LUZP1: variants seen among roughly 807,000 people sequenced by gnomAD.
LUZP1 encodes the protein leucine zipper protein 1, also known as filamin mechanobinding actin cross-linking protein.
Under a neutral mutation model 71.3 loss-of-function variants are expected in LUZP1, and 25 were observed. The ratio of observed to expected loss-of-function variants is 0.35; its 90% CI spans 0.26 to 0.49. The LOEUF (loss-of-function observed/expected upper bound fraction) is 0.49, where lower values mean the gene tolerates loss of function less well. Among genes scored for constraint, LUZP1 ranks in the 20% least tolerant of loss-of-function variants. LUZP1 has a pLI of 0.99. For missense variants in LUZP1, 1,142 were observed against 1,300.8 expected (o/e 0.88, Z 1.88); for synonymous variants, 481 against 506.4 (o/e 0.95, Z 0.67).
At chr1:23,118,242 C>A (rs1444500844) in intron 2 of LUZP1, among the ~76,000 whole-genome samples, 2 of 151,596 alleles carry the variant, frequency 1.3e-5, no homozygotes, top group Non-Finnish European at 2.9e-5. Flanking sequence ...TCTCTAAACA[C>A]AAAAATTAGC....
chr1:23,143,832 T>C (rs753356245), intron 2 of LUZP1, among the ~76,000 whole-genome samples: 8 of 152,190 alleles, frequency 5.3e-5, no homozygotes, highest in Non-Finnish European at 8.8e-5. Context: ...GTTTTACAGA[T>C]GAGAAAACTG....
rs200565029 is a variant in LUZP1 at position 23,091,246 on chromosome 1, G to A, written c.3016C>T (p.Arg1006Trp). Residue 1006 changes from arginine (R) to tryptophan (W), a missense_variant, in exon 4 of 5, where the codon CGG becomes TGG. Transcript: ENST00000302291. ...GTGATGGTGTCTCCTACCCGATTCC[G>A]ACGGGTAAGCACCTCTGACACAGTG... The A allele has an allele frequency of 8.8e-5, 142 of 1,613,722 alleles. No homozygotes were observed. Among genetic ancestry groups the A allele is most frequent in the East Asian group, 2.0e-4 (9 of 44,838 alleles).
At chr1:23,175,458 C>G (rs184028783) in intron 1 of LUZP1, among the ~76,000 whole-genome samples, 4 of 152,272 alleles carry the variant, frequency 2.6e-5, no homozygotes, top group Admixed American at 2.0e-4. Context: ...TTGGTGCTTT[C>G]CCCCCTAGTG....
At chr1:23,126,420 C>A (rs1644172183) in intron 2 of LUZP1, among the ~76,000 whole-genome samples, 1 of 152,114 alleles carries the variant, frequency 6.6e-6, no homozygotes. Context: ...GAGTTTGGGG[C>A]CAGCCTGAGC....
At chr1:23,095,172 T>C (rs547559489) in intron 3 of LUZP1, among the ~76,000 whole-genome samples, 250 of 152,304 alleles carry the variant, frequency 1.6e-3, no homozygotes, top group Non-Finnish European at 2.9e-3. Flanking sequence ...CCCAAGGAAA[T>C]AGAGAAAGGG....
At chr1:23,156,293 T>C (rs1424508511) in intron 2 of LUZP1, among the ~76,000 whole-genome samples, 1 of 152,046 alleles carries the variant, frequency 6.6e-6, no homozygotes. Flanking sequence ...GGCAGGAGAA[T>C]CGCTTGAACC....
chr1:23,088,609 T>A (rs683893), exon 5 of LUZP1: 1 of 305,388 alleles, frequency 3.3e-6, no homozygotes, highest in Non-Finnish European at 6.1e-6. Flanking sequence ...TTATCTTCCC[T>A]TGTTTGGGGG....
At chr1:23,139,977 G>A (rs1644289995) in intron 2 of LUZP1, among the ~76,000 whole-genome samples, 1 of 151,872 alleles carries the variant, frequency 6.6e-6, no homozygotes, top group Non-Finnish European at 1.5e-5. Context: ...TGTGTTAACT[G>A]TTTATGTTAT....
chr1:23,146,377 A>G (rs755472591), intron 2 of LUZP1, among the ~76,000 whole-genome samples: 1 of 152,258 alleles, frequency 6.6e-6, no homozygotes, highest in Non-Finnish European at 1.5e-5. Flanking sequence ...TATGCGGAAC[A>G]TAGGCTCTGG....
chr1:23,143,464 G>T (rs192453080), intron 2 of LUZP1, among the ~76,000 whole-genome samples: 1 of 152,318 alleles, frequency 6.6e-6, no homozygotes, highest in East Asian at 1.9e-4. Flanking sequence ...GAGTAACCCA[G>T]ATTGCTGAAG....
intron 3 of LUZP1, among the ~76,000 whole-genome samples, chr1:23,095,749 C>G (rs1192089572): frequency 6.6e-6 from 1 of 152,102 alleles, no homozygotes; most frequent in Non-Finnish European, 1.5e-5. Context: ...AGGATTATCC[C>G]TAGAGAATTT....
intron 2 of LUZP1, among the ~76,000 whole-genome samples, chr1:23,154,745 G>A (rs1240248920): frequency 6.9e-6 from 1 of 145,514 alleles, no homozygotes; most frequent in Non-Finnish European, 1.5e-5. Context: ...TAGTAGAGAC[G>A]GGGTTTCACT....
intron 2 of LUZP1, among the ~76,000 whole-genome samples, chr1:23,138,249 C>T (rs375176941): frequency 6.6e-6 from 1 of 152,172 alleles, no homozygotes; most frequent in Non-Finnish European, 1.5e-5. Flanking sequence ...GCTAGGATTA[C>T]AGGCGTGAGC....
Position 23,093,692 on chromosome 1 carries a change from A to G in LUZP1, c.570T>C (p.Thr190=). The change falls in exon 4 of 5, where the codon ACT becomes ACC. Residue 190 remains threonine, a synonymous_variant. Transcript: ENST00000302291. The surrounding 1 kb of genome is among the most constrained non-coding windows in gnomAD (Gnocchi z 4.2). ...ATTTTCTCTCACTTACAAAGCTCAG[A>G]GTTAATGATTTCAGCTTTTCTAACT... 1 of 1,613,690 alleles carries G rather than the reference A, an allele frequency of 6.2e-7. No homozygotes were observed. The highest frequency in any genetic ancestry group is 2.2e-5 in the East Asian group (1 of 44,886).
intron 2 of LUZP1, among the ~76,000 whole-genome samples, chr1:23,138,221 G>C (rs531036285): frequency 6.6e-6 from 1 of 152,032 alleles, no homozygotes; most frequent in Non-Finnish European, 1.5e-5. Context: ...CAATCCACCC[G>C]CCTCAGCTTC....
chr1:23,160,539 G>A (rs1034846663), intron 2 of LUZP1, among the ~76,000 whole-genome samples: 5 of 152,076 alleles, frequency 3.3e-5, no homozygotes, highest in African/African-American at 1.2e-4. Flanking sequence ...TCTCTATATC[G>A]CCGGAAGCAG....
At chr1:23,131,195 G>A (rs969189483) in intron 2 of LUZP1, among the ~76,000 whole-genome samples, 19 of 128,790 alleles carry the variant, frequency 1.5e-4, no homozygotes, top group African/African-American at 5.4e-4. Flanking sequence ...AATCCAGCCC[G>A]GGCAACAGAG....
At chr1:23,154,519 A>T (rs1280711013) in intron 2 of LUZP1, among the ~76,000 whole-genome samples, 2 of 151,844 alleles carry the variant, frequency 1.3e-5, no homozygotes, top group African/African-American at 4.8e-5. Flanking sequence ...AGCCTAGGGA[A>T]CAGAGTAAGA....
intron 2 of LUZP1, among the ~76,000 whole-genome samples, chr1:23,125,687 T>C (rs1298443385): frequency 2.0e-5 from 3 of 152,192 alleles, no homozygotes; most frequent in African/African-American, 7.2e-5. Context: ...GACAAAGGTT[T>C]CATTTTCTGC....
Sources: allele counts gnomAD v4.1 joint callset (sites outside exome capture counted in the v4.1 genomes callset), GRCh38; gene constraint gnomAD v4.1.1; non-coding constraint Gnocchi (gnomAD v3.1); transcripts MANE v1.5; gene names NCBI Gene and HGNC (gene_info 2026-07-23, HGNC 2026-07-21).